UBE2D1: variants seen among roughly 807,000 people sequenced by gnomAD.
The protein encoded by UBE2D1 is ubiquitin conjugating enzyme E2 D1.
UBE2D1 carries 9 observed loss-of-function variants against 24.6 expected under a neutral mutation model. That is an observed-to-expected ratio of 0.37 (90% CI 0.22 to 0.64). The LOEUF (loss-of-function observed/expected upper bound fraction) is 0.64, where lower values mean the gene tolerates loss of function less well. Ranked by LOEUF, UBE2D1 falls within the 30% of genes least tolerant of loss-of-function variation. The probability of loss-of-function intolerance (pLI) is 0.64; values close to 1 mark genes in which losing one functional copy is unlikely to be tolerated. For synonymous variants in UBE2D1, 57 were observed against 57.6 expected (o/e 0.99, Z 0.04); for missense variants, 87 against 177.1 (o/e 0.49, Z 2.89).
At chr10:58,346,498 A>G (rs1387317245) in intron 1 of UBE2D1, among the ~76,000 whole-genome samples, 1 of 152,206 alleles carries the variant, frequency 6.6e-6, no homozygotes, top group Non-Finnish European at 1.5e-5. Context: ...GAGACAAGAA[A>G]GTAAAAGTAA....
At chr10:58,335,295 C>T (rs1839889965) in intron 1 of UBE2D1, 70 bp downstream of exon 1, 2 of 1,441,396 alleles carry the variant, frequency 1.4e-6, no homozygotes, top group Admixed American at 5.0e-5. Context: ...GGCCAGTGGT[C>T]CCGAGAGACA....
chr10:58,362,910 C>CT (rs1177670224), intron 3 of UBE2D1, among the ~76,000 whole-genome samples: 3 of 151,816 alleles, frequency 2.0e-5, no homozygotes, highest in Admixed American at 6.6e-5. Context: ...CTAGCATTTT[C>CT]TTTTTTTAAA....
At chr10:58,355,382 G>A (rs1036391219) in intron 1 of UBE2D1, among the ~76,000 whole-genome samples, 1 of 152,184 alleles carries the variant, frequency 6.6e-6, no homozygotes. Flanking sequence ...GCTTTTAGAA[G>A]ATTTTTTTTA....
chr10:58,345,189 G>A (rs1490153339), intron 1 of UBE2D1, among the ~76,000 whole-genome samples: 1 of 152,064 alleles, frequency 6.6e-6, no homozygotes, highest in Non-Finnish European at 1.5e-5. Flanking sequence ...TTAAGATTCA[G>A]TGCTGGGCAC....
chr10:58,360,210 C>T (rs1016622065), intron 1 of UBE2D1, among the ~76,000 whole-genome samples: 18 of 152,172 alleles, frequency 1.2e-4, no homozygotes, highest in African/African-American at 4.3e-4. Flanking sequence ...AAAAGTAACT[C>T]CTACTCATCC....
chr10:58,353,513 A>G (rs548733283), intron 1 of UBE2D1, among the ~76,000 whole-genome samples: 97 of 152,284 alleles, frequency 6.4e-4, no homozygotes, highest in African/African-American at 2.3e-3. Context: ...GGTCAATACC[A>G]TCCTAAATAA....
In UBE2D1 at chr10:58,370,483, G is replaced by T. The variant is rs1055513353; in HGVS notation, c.*1718G>T. 1 of 152,152 alleles carries T rather than the reference G, an allele frequency of 6.6e-6. No homozygotes were observed. Among genetic ancestry groups the T allele is most frequent in the Non-Finnish European group, 1.5e-5 (1 of 67,878 alleles). The allele number at this position is 152,152 out of a possible 1,614,324, so 9.4% of individuals were successfully genotyped here. A position where few individuals can be genotyped will look rare whatever the true frequency, so the allele number is the denominator to read the frequency against. On this transcript the variant is annotated 3_prime_UTR_variant, in exon 7 of 7. Coordinates refer to ENST00000373910, the MANE Select transcript of UBE2D1 (RefSeq NM_003338.5). ...GAAATGGATGTTTAAGAAAATATAG[G>T]CTTAAAAAGTAAATCTATAAAATGA...
At chr10:58,364,595 C>G (rs1217293391) in intron 4 of UBE2D1, 176 bp from the exon 5 acceptor site, 20 of 516,850 alleles carry the variant, frequency 3.9e-5, no homozygotes, top group Non-Finnish European at 6.2e-5. Context: ...CACATTCTCA[C>G]TAGCTAGAAC....
intron 1 of UBE2D1, among the ~76,000 whole-genome samples, chr10:58,354,357 T>C (rs1025417550): frequency 1.3e-5 from 2 of 152,002 alleles, no homozygotes; most frequent in Admixed American, 6.6e-5. Context: ...AAAACTTAAC[T>C]GTGTCTAGGA....
chr10:58,341,055 A>G (rs557120204), intron 1 of UBE2D1, among the ~76,000 whole-genome samples: 2 of 152,382 alleles, frequency 1.3e-5, no homozygotes, highest in Non-Finnish European at 2.9e-5. Flanking sequence ...AAAGTAACAC[A>G]TGCTGAGATC....
At chr10:58,364,553 G>C in intron 4 of UBE2D1, 1 of 473,742 alleles carries the variant, frequency 2.1e-6, no homozygotes, top group South Asian at 3.1e-5. Context: ...GTTCCTTTGA[G>C]GGCAAAAGAA....
chr10:58,355,852 C>T (rs547149228), intron 1 of UBE2D1, among the ~76,000 whole-genome samples: 1 of 152,244 alleles, frequency 6.6e-6, no homozygotes, highest in South Asian at 2.1e-4. Context: ...TCAAATCTCA[C>T]CAGTTTTTTT....
chr10:58,357,925 G>T (rs772129842), intron 1 of UBE2D1, among the ~76,000 whole-genome samples: 16 of 152,074 alleles, frequency 1.1e-4, no homozygotes, highest in Non-Finnish European at 1.6e-4. Flanking sequence ...TAAGAACTCG[G>T]CCTTTTCAGG....
intron 1 of UBE2D1, among the ~76,000 whole-genome samples, chr10:58,338,817 G>A (rs564542922): frequency 6.6e-6 from 1 of 152,196 alleles, no homozygotes; most frequent in Non-Finnish European, 1.5e-5. Flanking sequence ...CTTTTGAAAA[G>A]TGAGGCAATA....
intron 1 of UBE2D1, among the ~76,000 whole-genome samples, chr10:58,335,592 T>C (rs1671302209): frequency 1.3e-5 from 2 of 152,264 alleles, no homozygotes; most frequent in Admixed American, 1.3e-4. Flanking sequence ...TCATGCTGTG[T>C]TTTCTCCAGG....
intron 4 of UBE2D1, 41 bp from the exon 5 acceptor site, chr10:58,364,730 A>G (rs1840237116): frequency 1.4e-6 from 2 of 1,466,206 alleles, no homozygotes; most frequent in Non-Finnish European, 1.9e-6. Context: ...TAGTTGATTC[A>G]AAGGTGATTG....
At chr10:58,357,739 G>A (rs948200990) in intron 1 of UBE2D1, among the ~76,000 whole-genome samples, 5 of 152,076 alleles carry the variant, frequency 3.3e-5, no homozygotes, top group African/African-American at 1.2e-4. Context: ...ATTGACAAAG[G>A]GATAGAACAT....
chr10:58,338,425 T>C (rs1404933683), intron 1 of UBE2D1, among the ~76,000 whole-genome samples: 1 of 152,116 alleles, frequency 6.6e-6, no homozygotes, highest in Non-Finnish European at 1.5e-5. Context: ...TGAAAGATGT[T>C]ATCGCAGTCA....
chr10:58,363,597 T>C lies in UBE2D1; in HGVS notation c.121-12T>C. 3.1e-6 allele frequency: 5 copies of C among 1,588,628 alleles called. No individual in the cohort carries two copies. The highest frequency in any genetic ancestry group is 4.3e-6 in the Non-Finnish European group (5 of 1,167,642). On this transcript the variant is annotated splice_polypyrimidine_tract_variant and intron_variant, in intron 3 of 6. Coordinates refer to ENST00000373910, the MANE Select transcript of UBE2D1 (RefSeq NM_003338.5). Reference sequence around the variant, plus strand: ...GTAATCAAATGCTGATGCAAATCTTTTGTAATTTCAGCCTGATAGCGCATA... The same window carrying C: ...GTAATCAAATGCTGATGCAAATCTTCTGTAATTTCAGCCTGATAGCGCATA...
Sources: allele counts gnomAD v4.1 joint callset (sites outside exome capture counted in the v4.1 genomes callset), GRCh38; gene constraint gnomAD v4.1.1; transcripts MANE v1.5; gene names NCBI Gene and HGNC (gene_info 2026-07-23, HGNC 2026-07-21).